Variants in SORCS3 observed in about 807,000 individuals in gnomAD.
SORCS3 encodes the protein sortilin related VPS10 domain containing receptor 3.
Under a neutral mutation model 146.3 loss-of-function variants are expected in SORCS3, and 57 were observed. The observed-to-expected ratio is 0.39, with a 90% CI of 0.31 to 0.49. SORCS3 has a LOEUF of 0.49. SORCS3 is among the 20% of genes least tolerant of loss of function. The pLI, the probability that SORCS3 is intolerant of heterozygous loss-of-function variation, is 0.92. For missense variants in SORCS3, 1,341 were observed against 1,575.5 expected (o/e 0.85, Z 2.52); for synonymous variants, 653 against 618.5 (o/e 1.06, Z -0.83).
At chr10:104,804,870 G>T (rs1039489897) in intron 1 of SORCS3, among the ~76,000 whole-genome samples, 1 of 152,180 alleles carries the variant, frequency 6.6e-6, no homozygotes. Context: ...AGCCTCCTGT[G>T]TGCCTTAGGA....
chr10:105,089,506 A>G (rs1024294011), intron 5 of SORCS3, among the ~76,000 whole-genome samples: 1 of 152,092 alleles, frequency 6.6e-6, no homozygotes, highest in African/African-American at 2.4e-5. Context: ...CAGCATGACT[A>G]TGCACTCTGT....
chr10:104,738,402 G>A lies in SORCS3; in HGVS notation c.627+96448G>A, dbSNP rs547770132. Among the ~76,000 whole-genome samples the A allele has an allele frequency of 1.1e-4, 16 of 152,252 alleles. No homozygotes were observed. In the South Asian group the frequency reaches 3.3e-3, roughly 32 times the overall value. On this transcript the variant is annotated intron_variant, in intron 1 of 26. Coordinates refer to ENST00000369701, the MANE Select transcript of SORCS3 (RefSeq NM_014978.3). ...CAGCCGAGGCACTTTCCAGAAACAG[G>A]TTCTTGATTCATCTTGAAGGAGCAG...
At chr10:104,750,650 G>T (rs11192183) in intron 1 of SORCS3, among the ~76,000 whole-genome samples, 1 of 152,162 alleles carries the variant, frequency 6.6e-6, no homozygotes, top group African/African-American at 2.4e-5. Flanking sequence ...GATATAAAAT[G>T]ATATTTATAG....
At chr10:104,685,653 TA>T (rs775099156) in intron 1 of SORCS3, among the ~76,000 whole-genome samples, 1 of 152,314 alleles carries the variant, frequency 6.6e-6, no homozygotes, top group East Asian at 1.9e-4. Context: ...TTTAAGCCCT[TA>T]AAAAAACTTA....
At chr10:104,768,866 G>A (rs1438443286) in intron 1 of SORCS3, among the ~76,000 whole-genome samples, 2 of 152,160 alleles carry the variant, frequency 1.3e-5, no homozygotes, top group African/African-American at 4.8e-5. Flanking sequence ...AGAGAGTGTG[G>A]GTAAGTATGT....
At chr10:104,820,717 C>T (rs1310712150) in intron 1 of SORCS3, among the ~76,000 whole-genome samples, 2 of 152,038 alleles carry the variant, frequency 1.3e-5, no homozygotes, top group Non-Finnish European at 2.9e-5. Context: ...TTTTGACTCC[C>T]CCTAAAATAA....
intron 7 of SORCS3, among the ~76,000 whole-genome samples, chr10:105,105,807 T>A (rs1041118421): frequency 3.3e-5 from 5 of 152,338 alleles, no homozygotes; most frequent in Middle Eastern, 3.4e-3. Context: ...GATTTGACTT[T>A]AAGTAATTTA....
intron 9 of SORCS3, among the ~76,000 whole-genome samples, chr10:105,153,192 G>C (rs1306222890): frequency 1.3e-5 from 2 of 152,022 alleles, no homozygotes; most frequent in East Asian, 3.9e-4. Flanking sequence ...TTCCTAGAGG[G>C]TGAGTAAATG....
At chr10:105,251,140 T>A (rs894926288) in intron 22 of SORCS3, among the ~76,000 whole-genome samples, 2 of 152,184 alleles carry the variant, frequency 1.3e-5, no homozygotes, top group Admixed American at 1.3e-4. Context: ...AGAAAAAAGG[T>A]TTAACTGACT....
chr10:104,975,817 T>G (rs569616884), intron 3 of SORCS3, among the ~76,000 whole-genome samples: 2 of 152,294 alleles, frequency 1.3e-5, no homozygotes, highest in African/African-American at 4.8e-5. Flanking sequence ...GGGAAAGGAT[T>G]CCCTATTTAA....
chr10:105,014,084 C>CACACATATATATACATATATATATAT (rs2055151021), intron 4 of SORCS3, among the ~76,000 whole-genome samples: 5 of 130,928 alleles, frequency 3.8e-5, no homozygotes, highest in Admixed American at 2.2e-4. Context: ...TATATATATA[C>CACACATATATATACATATATATATAT]ACACATATAT....
intron 4 of SORCS3, among the ~76,000 whole-genome samples, chr10:105,010,689 A>G (rs2055129810): frequency 6.6e-6 from 1 of 151,916 alleles, no homozygotes; most frequent in Non-Finnish European, 1.5e-5. Flanking sequence ...GTGCATTTAA[A>G]TGAAAAATCT....
At chr10:104,952,952 A>G (rs2019448693) in intron 3 of SORCS3, among the ~76,000 whole-genome samples, 1 of 152,234 alleles carries the variant, frequency 6.6e-6, no homozygotes, top group Admixed American at 6.5e-5. Flanking sequence ...TTTCTCAACC[A>G]TGTTTTGAGC....
At chr10:104,818,872 C>A (rs182879130) in intron 1 of SORCS3, among the ~76,000 whole-genome samples, 2 of 151,960 alleles carry the variant, frequency 1.3e-5, no homozygotes, top group Non-Finnish European at 2.9e-5. Flanking sequence ...TAGCTAAGTA[C>A]GGCATGCATG....
chr10:104,795,511 G>A lies in SORCS3; in HGVS notation c.628-47281G>A, dbSNP rs77349756. Among the ~76,000 whole-genome samples, 680 of 152,350 alleles carry A rather than the reference G, an allele frequency of 4.5e-3. 4 individuals carry two copies. The highest frequency in any genetic ancestry group is 0.012 in the South Asian group (56 of 4,830). On this transcript the variant is annotated intron_variant, in intron 1 of 26. Coordinates refer to ENST00000369701, the MANE Select transcript of SORCS3 (RefSeq NM_014978.3). ...AATTTAGGTCATAGGCTTGGTTCAT[G>A]ACAAACAGGTTCTTCCCTACAAGAA...
intron 14 of SORCS3, among the ~76,000 whole-genome samples, chr10:105,192,428 A>G (rs370353962): frequency 1.3e-5 from 2 of 152,042 alleles, no homozygotes; most frequent in East Asian, 1.9e-4. Flanking sequence ...AGTCCAGTCA[A>G]GGCAGTAACA....
chr10:104,763,206 C>T (rs1323291089), intron 1 of SORCS3, among the ~76,000 whole-genome samples: 2 of 152,160 alleles, frequency 1.3e-5, no homozygotes, highest in African/African-American at 4.8e-5. Flanking sequence ...AATAAGCCCT[C>T]CAGGTGATTC....
At chr10:105,235,962 A>G (rs1376045876) in intron 20 of SORCS3, among the ~76,000 whole-genome samples, 1 of 152,120 alleles carries the variant, frequency 6.6e-6, no homozygotes, top group African/African-American at 2.4e-5. Context: ...TATGTACTCA[A>G]TAAATGGGTG....
At chr10:105,158,819 C>G (rs1589661723) in intron 10 of SORCS3, 73 bp from the exon 11 acceptor site, 2 of 1,152,680 alleles carry the variant, frequency 1.7e-6, no homozygotes, top group Non-Finnish European at 2.6e-6. Flanking sequence ...CATCGGGAAG[C>G]CCATCTCTAG....
Sources: allele counts gnomAD v4.1 joint callset (sites outside exome capture counted in the v4.1 genomes callset), GRCh38; gene constraint gnomAD v4.1.1; transcripts MANE v1.5; gene names NCBI Gene and HGNC (gene_info 2026-07-23, HGNC 2026-07-21).